Variants in TMEM38B observed in about 807,000 individuals in gnomAD.
TMEM38B encodes the protein transmembrane protein 38B, also known as trimeric intracellular cation channel type B.
Under a neutral mutation model 28.7 loss-of-function variants are expected in TMEM38B, and 24 were observed. That is an observed-to-expected ratio of 0.84 (90% CI 0.61 to 1.18). The LOEUF (loss-of-function observed/expected upper bound fraction) is 1.18, where lower values mean the gene tolerates loss of function less well. TMEM38B is among the 50% of genes most tolerant of loss of function. The pLI, the probability that TMEM38B is intolerant of heterozygous loss-of-function variation, is 0.00. For synonymous variants in TMEM38B, 131 were observed against 127.7 expected, an observed-to-expected ratio of 1.03 and a Z score of -0.17; for missense variants, 380 against 350.9, an observed-to-expected ratio of 1.08 and a Z score of -0.66.
chr9:105,700,324 G>A (rs1043308702), intron 1 of TMEM38B, among the ~76,000 whole-genome samples: 1 of 152,108 alleles, frequency 6.6e-6, no homozygotes. Context: ...CACAATAATA[G>A]TAGCCATCAT....
At chr9:105,703,271 G>A (rs1835519233) in intron 1 of TMEM38B, among the ~76,000 whole-genome samples, 1 of 152,144 alleles carries the variant, frequency 6.6e-6, no homozygotes, top group Non-Finnish European at 1.5e-5. Flanking sequence ...AATCACTTGA[G>A]GCCAGGAGTT....
Position 105,730,864 on chromosome 9 carries a change from T to C in TMEM38B, c.542+8243T>C, listed in dbSNP as rs950670060. 1.4e-4 allele frequency among the ~76,000 whole-genome samples: 21 copies of C among 152,238 alleles called. 1 individual carries two copies. Among genetic ancestry groups the C allele is most frequent in the African/African-American group, 5.1e-4 (21 of 41,478 alleles). ...TAGTTTATTTGAGTAGAGGTGTTTATAGTATTCTCTGATGGTAATTTGTAT... is the reference window on the plus strand; with the variant it reads ...TAGTTTATTTGAGTAGAGGTGTTTACAGTATTCTCTGATGGTAATTTGTAT... On this transcript the variant is annotated intron_variant, in intron 4 of 5. Transcript: ENST00000374692.
At chr9:105,694,827 C>A in intron 1 of TMEM38B, 55 bp downstream of exon 1, 1 of 384,592 alleles carries the variant, frequency 2.6e-6, no homozygotes, top group Non-Finnish European at 4.2e-6. Flanking sequence ...ACGGCGAGGA[C>A]CGTCTAAGTC....
intron 4 of TMEM38B, among the ~76,000 whole-genome samples, chr9:105,746,676 C>T (rs866439258): frequency 2.2e-4 from 33 of 152,214 alleles, no homozygotes; most frequent in African/African-American, 7.7e-4. Flanking sequence ...GGGAATGCTT[C>T]CAGTTTTTGC....
Position 105,774,627 on chromosome 9 carries a change from A to G in TMEM38B, c.*547A>G, listed in dbSNP as rs1393107417. ...AGTTTATATTTTAGATATAAACATC[A>G]TATTTTTTATTAATACCTACATCAA... On this transcript the variant is annotated 3_prime_UTR_variant, in exon 6 of 6. Transcript: ENST00000374692. The G allele has an allele frequency of 6.6e-6, 1 of 151,972 alleles. No individual in the cohort carries two copies. Among genetic ancestry groups the G allele is most frequent in the East Asian group, 1.9e-4 (1 of 5,194 alleles). The allele number at this position is 151,972 out of a possible 1,614,324, so 9.4% of individuals were successfully genotyped here. A position where few individuals can be genotyped will look rare whatever the true frequency, so the allele number is the denominator to read the frequency against.
intron 2 of TMEM38B, chr9:105,710,850 C>T (rs1430862060): frequency 2.2e-5 from 8 of 366,644 alleles, no homozygotes; most frequent in African/African-American, 4.2e-5. Context: ...GGCTGCCAAG[C>T]CTCAGACACA....
At chr9:105,739,792 T>C (rs1014518668) in intron 4 of TMEM38B, among the ~76,000 whole-genome samples, 5 of 151,792 alleles carry the variant, frequency 3.3e-5, no homozygotes, top group African/African-American at 1.2e-4. Flanking sequence ...CCTAAAATGT[T>C]GGGATTATGG....
intron 4 of TMEM38B, among the ~76,000 whole-genome samples, chr9:105,740,285 G>A (rs1371358994): frequency 3.6e-5 from 5 of 140,490 alleles, no homozygotes; most frequent in African/African-American, 1.1e-4. Flanking sequence ...TTTTGAAACA[G>A]GGTCTTGCTC....
chr9:105,719,089 C>CA (rs1836222459), intron 2 of TMEM38B, among the ~76,000 whole-genome samples: 4 of 152,162 alleles, frequency 2.6e-5, no homozygotes, highest in Admixed American at 2.6e-4. Context: ...ACAGAGTTCT[C>CA]AATGACTAAG....
intron 4 of TMEM38B, among the ~76,000 whole-genome samples, chr9:105,747,552 AG>A (rs1410421325): frequency 6.6e-6 from 1 of 152,070 alleles, no homozygotes; most frequent in East Asian, 1.9e-4. Flanking sequence ...GATTTTTTGA[AG>A]GGTTTTTTGT....
intron 5 of TMEM38B, 41 bp downstream of exon 5, chr9:105,748,231 T>C: frequency 7.1e-7 from 1 of 1,408,078 alleles, no homozygotes; most frequent in Non-Finnish European, 1.0e-6. Context: ...AAATCCTGTA[T>C]AACTATTCCC....
At chr9:105,734,852 C>T (rs2133597538) in intron 4 of TMEM38B, among the ~76,000 whole-genome samples, 1 of 147,344 alleles carries the variant, frequency 6.8e-6, no homozygotes, top group Middle Eastern at 3.5e-3. Flanking sequence ...TTGTAGGCAG[C>T]ATGTAGTTGG....
In TMEM38B at chr9:105,770,418, A is replaced by T. The variant is rs142205482; in HGVS notation, c.661-3447A>T. Among the ~76,000 whole-genome samples, 239 of 152,268 alleles carry T rather than the reference A, an allele frequency of 1.6e-3. 2 individuals are homozygous for T. The highest frequency in any genetic ancestry group is 5.5e-3 in the African/African-American group (228 of 41,568). On this transcript the variant is annotated intron_variant, in intron 5 of 5. Transcript: ENST00000374692. Reference sequence around the variant, plus strand: ...TGCTCTTTCACAGGTTTATTTAATTATTCCACACTTAAAGATATACATTGA... The same window carrying T: ...TGCTCTTTCACAGGTTTATTTAATTTTTCCACACTTAAAGATATACATTGA...
At chr9:105,748,881 C>G (rs964362155) in intron 5 of TMEM38B, among the ~76,000 whole-genome samples, 1 of 152,128 alleles carries the variant, frequency 6.6e-6, no homozygotes, top group African/African-American at 2.4e-5. Context: ...GTTCCCTATT[C>G]GCAAGTAGAC....
rs1588386661 is a variant in TMEM38B, at chr9:105,703,595, C to T, written c.113-2002C>T. Among the ~76,000 whole-genome samples the T allele has an allele frequency of 3.3e-5, 5 of 152,112 alleles. No homozygotes were observed. The South Asian group carries it at 8.3e-4, about 25-fold the overall frequency. ...GGATGGCTGGGTCAAATGGTATTTC[C>T]AGTTCTAGATCCCTGAGTAATCGCC... On this transcript the variant is annotated intron_variant, in intron 1 of 5. Coordinates refer to ENST00000374692, the MANE Select transcript of TMEM38B (RefSeq NM_018112.3).
chr9:105,732,581 C>A (rs1024376533), intron 4 of TMEM38B, among the ~76,000 whole-genome samples: 3 of 152,156 alleles, frequency 2.0e-5, no homozygotes, highest in Non-Finnish European at 4.4e-5. Flanking sequence ...TTCCCCATTT[C>A]TTGTTTTTCT....
intron 5 of TMEM38B, chr9:105,760,136 T>TGTTACTTCCGC: frequency 1.1e-6 from 1 of 882,642 alleles, no homozygotes; most frequent in South Asian, 1.3e-5. Flanking sequence ...TTGTGTCGTT[T>TGTTACTTCCGC]GTTACTTCCG....
chr9:105,724,136 C>T (rs183576583), intron 4 of TMEM38B, among the ~76,000 whole-genome samples: 72 of 152,208 alleles, frequency 4.7e-4, no homozygotes, highest in African/African-American at 1.6e-3. Context: ...GTGCCTGGCC[C>T]AGACTCAGTC....
chr9:105,701,548 C>G (rs1835460049), intron 1 of TMEM38B: 3 of 152,224 alleles, frequency 2.0e-5, no homozygotes, highest in Admixed American at 6.5e-5. Context: ...AATACTACAT[C>G]TTGAATACTA....
Sources: allele counts gnomAD v4.1 joint callset (sites outside exome capture counted in the v4.1 genomes callset), GRCh38; gene constraint gnomAD v4.1.1; transcripts MANE v1.5; gene names NCBI Gene and HGNC (gene_info 2026-07-23, HGNC 2026-07-21).